ASIC2: variants seen among roughly 807,000 people sequenced by gnomAD.
ASIC2 encodes the protein acid sensing ion channel subunit 2.
A neutral mutation model predicts 57.3 loss-of-function variants in ASIC2; 25 were observed. That is an observed-to-expected ratio of 0.44 (90% CI 0.32 to 0.61). The LOEUF is 0.61. Among genes scored for constraint, ASIC2 ranks in the 20% least tolerant of loss-of-function variants. The probability of loss-of-function intolerance (pLI) is 0.06; values close to 1 mark genes in which losing one functional copy is unlikely to be tolerated. For synonymous variants in ASIC2, 319 were observed against 307.5 expected, an observed-to-expected ratio of 1.04 and a Z score of -0.39; for missense variants, 641 against 738.1, an observed-to-expected ratio of 0.87 and a Z score of 1.52.
intron 1 of ASIC2, among the ~76,000 whole-genome samples, chr17:33,563,259 G>A (rs1287235313): frequency 2.0e-5 from 3 of 152,178 alleles, no homozygotes; most frequent in Non-Finnish European, 4.4e-5. Flanking sequence ...TATTTGTCCT[G>A]TACCAGACAC....
intron 1 of ASIC2, among the ~76,000 whole-genome samples, chr17:34,073,081 G>A (rs569540098): frequency 1.6e-4 from 25 of 152,206 alleles, no homozygotes; most frequent in Non-Finnish European, 2.9e-4. Context: ...GTGGGATTCC[G>A]CAAAGTTCCA....
chr17:33,223,078 G>A (rs1046494444), intron 1 of ASIC2, among the ~76,000 whole-genome samples: 3 of 152,160 alleles, frequency 2.0e-5, no homozygotes, highest in African/African-American at 4.8e-5. Flanking sequence ...GTACTAAAAG[G>A]CCTAATTAAC....
chr17:34,105,968 A>C (rs896145218), intron 1 of ASIC2, among the ~76,000 whole-genome samples: 8 of 152,006 alleles, frequency 5.3e-5, no homozygotes, highest in African/African-American at 1.9e-4. Flanking sequence ...ATTTAACCTA[A>C]AAATGCCTCT....
chr17:33,953,583 T>A (rs900497036), intron 1 of ASIC2, among the ~76,000 whole-genome samples: 3 of 151,854 alleles, frequency 2.0e-5, no homozygotes, highest in African/African-American at 7.3e-5. Context: ...AAAAATCATA[T>A]AAATCAATGC....
In ASIC2 at chr17:34,039,776, C is replaced by G. The variant is rs1908035161; in HGVS notation, c.555+116202G>C. The G allele has an allele frequency of 3.7e-6, 6 of 1,611,726 alleles. No individual in the cohort carries two copies. In the South Asian group the frequency reaches 6.6e-5, roughly 18 times the overall value. On this transcript the variant is annotated intron_variant, in intron 1 of 9. Coordinates refer to the ASIC2 transcript ENST00000359872. ...CTGCACAAGCTCTGGTTGGAAGACT[C>G]ACTATTAAGTGGTCCCTTACTAACA...
At chr17:33,798,511 T>C (rs865865996) in intron 1 of ASIC2, among the ~76,000 whole-genome samples, 11 of 152,178 alleles carry the variant, frequency 7.2e-5, no homozygotes, top group African/African-American at 2.4e-4. Context: ...AGACTGTTCA[T>C]CCAATTAGCA....
At chr17:33,293,701 G>A (rs2142186098), upstream of ASIC2, among the ~76,000 whole-genome samples, 1 of 152,254 alleles carries the variant, frequency 6.6e-6, no homozygotes, top group Middle Eastern at 3.4e-3. Flanking sequence ...GTGTATGTGT[G>A]AATGGGCATT....
At chr17:33,737,780 G>A (rs555714128) in intron 1 of ASIC2, among the ~76,000 whole-genome samples, 57 of 152,220 alleles carry the variant, frequency 3.7e-4, no homozygotes, top group African/African-American at 1.3e-3. Flanking sequence ...CCAAGTCAAG[G>A]AAGAGACAGT....
At chr17:34,140,954 C>T (rs1218360281) in intron 1 of ASIC2, among the ~76,000 whole-genome samples, 1 of 151,984 alleles carries the variant, frequency 6.6e-6, no homozygotes, top group Non-Finnish European at 1.5e-5. Flanking sequence ...AAAGTATCTC[C>T]CCAGAAGAGA....
chr17:33,664,620 A>G (rs1907410558), intron 1 of ASIC2, among the ~76,000 whole-genome samples: 1 of 152,176 alleles, frequency 6.6e-6, no homozygotes, highest in African/African-American at 2.4e-5. Context: ...AGTGTCACAT[A>G]TGGTCCCCGA....
At chr17:33,043,515 G>A (rs376926025) in intron 3 of ASIC2, among the ~76,000 whole-genome samples, 2 of 152,160 alleles carry the variant, frequency 1.3e-5, no homozygotes, top group East Asian at 3.9e-4. Context: ...TGGGCATATG[G>A]CAAACATCAC....
intron 1 of ASIC2, chr17:34,078,950 G>T (rs1485124947): frequency 6.6e-6 from 1 of 152,246 alleles, no homozygotes; most frequent in Non-Finnish European, 1.5e-5. Flanking sequence ...CCCTGCCAGA[G>T]CTGGAGAAGG....
At chr17:33,442,743 G>C (rs1256343516) in intron 1 of ASIC2, among the ~76,000 whole-genome samples, 1 of 150,982 alleles carries the variant, frequency 6.6e-6, no homozygotes, top group South Asian at 2.1e-4. Context: ...TTTTTTCTCT[G>C]TGTTTCCTAT....
At chr17:33,919,397 A>G (rs1315404938) in intron 1 of ASIC2, among the ~76,000 whole-genome samples, 1 of 152,264 alleles carries the variant, frequency 6.6e-6, no homozygotes, top group Non-Finnish European at 1.5e-5. Context: ...GACAAAGTCA[A>G]CACAAAGAAG....
intron 3 of ASIC2, among the ~76,000 whole-genome samples, chr17:33,057,062 G>A (rs763343994): frequency 5.5e-4 from 84 of 152,292 alleles, no homozygotes; most frequent in Non-Finnish European, 6.0e-4. Flanking sequence ...GGAAGCCACA[G>A]CAGAGATGAG....
At chr17:33,478,804 G>C (rs990435251) in intron 1 of ASIC2, among the ~76,000 whole-genome samples, 2 of 152,152 alleles carry the variant, frequency 1.3e-5, no homozygotes, top group East Asian at 3.8e-4. Flanking sequence ...GAGAGATCAG[G>C]ATTAAAATCT....
intron 3 of ASIC2, among the ~76,000 whole-genome samples, chr17:33,084,981 G>A (rs77394858): frequency 0.015 from 2,224 of 152,298 alleles, 23 homozygotes; most frequent in Middle Eastern, 0.051. Flanking sequence ...TTGGAAAGGC[G>A]TGGTGTGTGT....
chr17:33,647,698 C>G (rs924797655), intron 1 of ASIC2, among the ~76,000 whole-genome samples: 4 of 152,190 alleles, frequency 2.6e-5, no homozygotes, highest in African/African-American at 9.7e-5. Context: ...AACTCTAAAG[C>G]CTAGAGAATG....
chr17:34,052,932 C>A (rs1428522981), intron 1 of ASIC2, among the ~76,000 whole-genome samples: 1 of 151,650 alleles, frequency 6.6e-6, no homozygotes, highest in Non-Finnish European at 1.5e-5. Context: ...TCTCACTTTT[C>A]CATCCCTCAT....
Sources: allele counts gnomAD v4.1 joint callset (sites outside exome capture counted in the v4.1 genomes callset), GRCh38; gene constraint gnomAD v4.1.1; transcripts MANE v1.5; gene names NCBI Gene and HGNC (gene_info 2026-07-23, HGNC 2026-07-21).